The following KIF26B variants were observed in gnomAD, a reference collection of about 807,000 sequenced individuals.
KIF26B encodes kinesin family member 26B.
In KIF26B, 63 loss-of-function variants were observed where a neutral mutation model predicts 151.2. The observed-to-expected ratio is 0.42, with a 90% CI of 0.34 to 0.51. The LOEUF (loss-of-function observed/expected upper bound fraction) is 0.51. KIF26B is among the 20% of genes least tolerant of loss of function. KIF26B has a pLI of 0.07. For synonymous variants in KIF26B, 1,357 were observed against 1,262.1 expected (o/e 1.08, Z -1.59); for missense variants, 2,813 against 2,913.6 (o/e 0.97, Z 0.79).
At chr1:245,671,816 G>T (rs1471637010) in intron 10 of KIF26B, among the ~76,000 whole-genome samples, 15 of 152,206 alleles carry the variant, frequency 9.9e-5, no homozygotes, top group Admixed American at 9.8e-4. Flanking sequence ...AGACAGAGAT[G>T]AAAGGGCATT....
intron 2 of KIF26B, among the ~76,000 whole-genome samples, chr1:245,236,411 G>A (rs370460336): frequency 6.6e-6 from 1 of 152,138 alleles, no homozygotes. Context: ...TAGATTTATT[G>A]TGAAAGTTAA....
At chr1:245,188,806 C>G (rs1037118096) in intron 2 of KIF26B, among the ~76,000 whole-genome samples, 2 of 152,206 alleles carry the variant, frequency 1.3e-5, no homozygotes, top group African/African-American at 4.8e-5. Context: ...AAGGTGGGAA[C>G]AGCCCAGTGT....
intron 2 of KIF26B, among the ~76,000 whole-genome samples, chr1:245,350,495 C>T (rs1489952272): frequency 1.3e-5 from 2 of 152,164 alleles, no homozygotes; most frequent in East Asian, 3.9e-4. Flanking sequence ...TGCAAAGTGT[C>T]CTTCTCATCT....
Position 245,606,524 on chromosome 1 carries a change from C to T in KIF26B, c.1558-1127C>T, listed in dbSNP as rs965573275. Among the ~76,000 whole-genome samples, 1 of 152,200 alleles carries T rather than the reference C, an allele frequency of 6.6e-6. No homozygotes were observed. The highest frequency in any genetic ancestry group is 1.9e-4 in the East Asian group (1 of 5,198). Reference sequence around the variant, plus strand: ...TGCTAAACAAAGAGAAGGACATTTCCCAGATCTCCAAGTTAGTCCACAAAA... The same window carrying T: ...TGCTAAACAAAGAGAAGGACATTTCTCAGATCTCCAAGTTAGTCCACAAAA... On this transcript the variant is annotated intron_variant, in intron 6 of 14. Transcript: ENST00000407071. The surrounding 1 kb of genome is among the most constrained non-coding windows in gnomAD (Gnocchi z 4.6).
At chr1:245,489,113 A>G (rs750967429) in intron 4 of KIF26B, among the ~76,000 whole-genome samples, 13 of 152,218 alleles carry the variant, frequency 8.5e-5, no homozygotes, top group Non-Finnish European at 1.5e-4. Context: ...CTGGCAGCTG[A>G]ACCTCTTCAC....
intron 2 of KIF26B, among the ~76,000 whole-genome samples, chr1:245,333,099 G>A (rs1201699309): frequency 6.6e-6 from 1 of 152,086 alleles, no homozygotes; most frequent in Non-Finnish European, 1.5e-5. Flanking sequence ...CAGTGTGGCT[G>A]GATTGATAGA....
At chr1:245,681,265 A>T (rs1268944325) in intron 10 of KIF26B, among the ~76,000 whole-genome samples, 1 of 150,218 alleles carries the variant, frequency 6.7e-6, no homozygotes, top group African/African-American at 2.5e-5. Context: ...GCTGAAGTGC[A>T]GTGGCGCGAT....
chr1:245,566,796 G>T (rs1214612914), intron 5 of KIF26B, among the ~76,000 whole-genome samples: 1 of 152,156 alleles, frequency 6.6e-6, no homozygotes, highest in Non-Finnish European at 1.5e-5. Context: ...GCATGGTGGT[G>T]TGTGCCTCTA....
At chr1:245,690,395 C>T (rs557763786) in intron 12 of KIF26B, among the ~76,000 whole-genome samples, 1 of 152,302 alleles carries the variant, frequency 6.6e-6, no homozygotes, top group South Asian at 2.1e-4. Flanking sequence ...GGGTGAGACA[C>T]AGATGTAGGG....
chr1:245,230,927 A>G (rs1201879786), intron 2 of KIF26B, among the ~76,000 whole-genome samples: 1 of 152,140 alleles, frequency 6.6e-6, no homozygotes, highest in Non-Finnish European at 1.5e-5. Context: ...CTCAAACAAA[A>G]TGCTGGAAAA....
chr1:245,631,515 AT>A (rs1423493548), intron 9 of KIF26B, among the ~76,000 whole-genome samples: 1 of 152,026 alleles, frequency 6.6e-6, no homozygotes, highest in Non-Finnish European at 1.5e-5. Context: ...GTGTTGTTAG[AT>A]TTGGTTCGCT....
At position 245,578,279 on chromosome 1, in the gene KIF26B, C is replaced by T. The variant is rs116354063; in HGVS notation, c.1351-24298C>T. ...ACATACCCAGAACCTGGGACTAGCC[C>T]CTTGGCAAAGACTCCATGAGCCTCA... On this transcript the variant is annotated intron_variant, in intron 5 of 14. Transcript: ENST00000407071. Among the ~76,000 whole-genome samples the T allele has an allele frequency of 7.6e-3, 1,165 of 152,346 alleles. 8 individuals are homozygous for T. Among genetic ancestry groups the T allele is most frequent in the South Asian group, 0.038 (183 of 4,824 alleles).
Position 245,419,680 on chromosome 1 carries a change from G to T in KIF26B, c.1101G>T (p.Ser367=). The change falls in exon 4 of 15, where the codon TCG becomes TCT. Residue 367 remains serine (S), a synonymous_variant. Coordinates refer to ENST00000407071, the MANE Select transcript of KIF26B (RefSeq NM_018012.4). ...DKPSACSVPA[S]QGSCVASETS... is the part of the protein sequence containing the mutation. The stretch of plus-strand genomic sequence containing the variant: ...CTTCCGCCTGCAGTGTCCCAGCCTC[G>T]CAGGGCTCCTGCGTGGCCAGCGAGA... 1 of 1,613,752 alleles carries T rather than the reference G, an allele frequency of 6.2e-7. No individual in the cohort carries two copies. Among genetic ancestry groups the T allele is most frequent in the South Asian group, 1.1e-5 (1 of 91,044 alleles).
chr1:245,593,376 G>A (rs1209914037), intron 5 of KIF26B, among the ~76,000 whole-genome samples: 15 of 151,922 alleles, frequency 9.9e-5, no homozygotes, highest in Non-Finnish European at 2.1e-4. Flanking sequence ...CTGTGTCCAT[G>A]TATTCTCATT....
At chr1:245,501,336 T>A (rs1184471713) in intron 4 of KIF26B, among the ~76,000 whole-genome samples, 1 of 152,204 alleles carries the variant, frequency 6.6e-6, no homozygotes, top group Non-Finnish European at 1.5e-5. Context: ...GTAATGAGGG[T>A]TAAATAAGTT....
intron 2 of KIF26B, among the ~76,000 whole-genome samples, chr1:245,232,253 A>G (rs1321761734): frequency 6.6e-6 from 1 of 152,218 alleles, no homozygotes; most frequent in Non-Finnish European, 1.5e-5. Context: ...AGAAGGGAAA[A>G]AGTGCAAGTA....
At chr1:245,266,212 T>C (rs1464627015) in intron 2 of KIF26B, among the ~76,000 whole-genome samples, 3 of 152,148 alleles carry the variant, frequency 2.0e-5, no homozygotes, top group African/African-American at 7.2e-5. Context: ...ATCATCAGAA[T>C]TTAGGAACCC....
Position 245,428,572 on chromosome 1 carries a change from G to A in KIF26B, c.1166+8827G>A, listed in dbSNP as rs567092242. Among the ~76,000 whole-genome samples the A allele has an allele frequency of 1.0e-3, 152 of 152,268 alleles. No individual in the cohort carries two copies. In the Middle Eastern group the frequency reaches 0.014, roughly 14 times the overall value. On this transcript the variant is annotated intron_variant, in intron 4 of 14. Transcript: ENST00000407071. ...TATGCAACCCCAGCAACCCCCAACT[G>A]TTCTGTTGTTGGGGGTGCAGTCCGT...
chr1:245,162,531 G>A (rs867290641), intron 2 of KIF26B, among the ~76,000 whole-genome samples: 4 of 151,674 alleles, frequency 2.6e-5, no homozygotes, highest in South Asian at 2.1e-4. Flanking sequence ...GACTACAGGC[G>A]CCCGCCACCA....
Sources: gnomAD v4.1 joint callset for allele counts (sites outside exome capture counted in the v4.1 genomes callset) on GRCh38, gnomAD v4.1.1 for gene constraint, Gnocchi (gnomAD v3.1) non-coding constraint, MANE v1.5 for transcripts, NCBI Gene and HGNC (gene_info 2026-07-23, HGNC 2026-07-21) for gene names.